The following SOX5 variants were observed in gnomAD, a reference collection of about 807,000 sequenced individuals.
The protein encoded by SOX5 is SRY-box transcription factor 5.
A neutral mutation model predicts 92.0 loss-of-function variants in SOX5; 9 were observed. The observed-to-expected ratio is 0.10, with a 90% CI of 0.06 to 0.17. SOX5 has a LOEUF of 0.17. Among genes scored for constraint, SOX5 ranks in the 10% least tolerant of loss-of-function variants. The probability of loss-of-function intolerance (pLI) is 1.00; values close to 1 mark genes in which losing one functional copy is unlikely to be tolerated. For synonymous variants in SOX5, 344 were observed against 336.3 expected, an observed-to-expected ratio of 1.02 and a Z score of -0.25; for missense variants, 642 against 944.5, an observed-to-expected ratio of 0.68 and a Z score of 4.20.
At chr12:23,878,820 A>G (rs2096956286) in intron 2 of SOX5, among the ~76,000 whole-genome samples, 1 of 152,134 alleles carries the variant, frequency 6.6e-6, no homozygotes, top group African/African-American at 2.4e-5. Flanking sequence ...GAACTCCTCA[A>G]AAATAATCTG....
At chr12:24,530,589 G>T (rs541129899) in intron 1 of SOX5, among the ~76,000 whole-genome samples, 1 of 151,782 alleles carries the variant, frequency 6.6e-6, no homozygotes, top group African/African-American at 2.4e-5. Flanking sequence ...GGAGGTGGAG[G>T]TTGCAATGAG....
chr12:23,935,822 T>G (rs1414306880), intron 1 of SOX5, among the ~76,000 whole-genome samples: 3 of 151,192 alleles, frequency 2.0e-5, no homozygotes, highest in Non-Finnish European at 3.0e-5. Context: ...GTTGAATAAA[T>G]AAAGAAATAT....
chr12:24,006,845 T>C (rs1284526572), intron 4 of SOX5, among the ~76,000 whole-genome samples: 2 of 152,004 alleles, frequency 1.3e-5, no homozygotes, highest in Non-Finnish European at 2.9e-5. Flanking sequence ...CATTAATATC[T>C]TAACTGAAGT....
At chr12:23,606,929 T>C (rs995504703) in intron 8 of SOX5, among the ~76,000 whole-genome samples, 3 of 152,152 alleles carry the variant, frequency 2.0e-5, no homozygotes, top group East Asian at 1.9e-4. Context: ...AACAGTATAA[T>C]ATCATTTGCC....
chr12:24,008,679 T>C (rs919642407), intron 4 of SOX5, among the ~76,000 whole-genome samples: 2 of 152,192 alleles, frequency 1.3e-5, no homozygotes, highest in Non-Finnish European at 2.9e-5. Context: ...TAAATATTCA[T>C]ATTTTGAATA....
intron 4 of SOX5, among the ~76,000 whole-genome samples, chr12:24,036,267 G>A (rs1159886433): frequency 2.0e-5 from 3 of 152,074 alleles, no homozygotes; most frequent in Non-Finnish European, 4.4e-5. Context: ...ACAACCCAGT[G>A]AGCCATTGCC....
Position 24,233,153 on chromosome 12 carries a change from C to T in SOX5, c.-76-19736G>A, listed in dbSNP as rs149713048. Among the ~76,000 whole-genome samples, 1,028 of 151,618 alleles carry T rather than the reference C, an allele frequency of 6.8e-3. 31 individuals carry two copies. Among genetic ancestry groups the T allele is most frequent in the East Asian group, 0.011 (56 of 5,146 alleles). ...TGATGAAAGACAAAAATGTGAAAAC[C>T]GATAGAAAATACAAGATAATAGTCA... On this transcript the variant is annotated intron_variant, in intron 3 of 4. Transcript: ENST00000446891.
chr12:24,216,675 C>T (rs1267860340), intron 3 of SOX5, among the ~76,000 whole-genome samples: 2 of 152,164 alleles, frequency 1.3e-5, no homozygotes, highest in Non-Finnish European at 2.9e-5. Flanking sequence ...GTAATCCCAG[C>T]ACTTTGGGAG....
At chr12:23,898,027 C>T (rs1413123123) in intron 1 of SOX5, among the ~76,000 whole-genome samples, 2 of 152,122 alleles carry the variant, frequency 1.3e-5, no homozygotes, top group Non-Finnish European at 2.9e-5. Context: ...AATACCATAT[C>T]ACACACTAAA....
chr12:24,403,275 C>T (rs1487821034), intron 1 of SOX5, among the ~76,000 whole-genome samples: 1 of 152,220 alleles, frequency 6.6e-6, no homozygotes, highest in Non-Finnish European at 1.5e-5. Context: ...TCTTTGGCCA[C>T]TCTCCCTAAG....
At chr12:24,528,472 C>A (rs946706900) in intron 1 of SOX5, among the ~76,000 whole-genome samples, 4 of 152,174 alleles carry the variant, frequency 2.6e-5, no homozygotes, top group African/African-American at 9.7e-5. Context: ...CAAGTTTCAA[C>A]ATGATCCAAA....
intron 2 of SOX5, among the ~76,000 whole-genome samples, chr12:23,868,219 A>C (rs943731466): frequency 6.6e-6 from 1 of 151,990 alleles, no homozygotes; most frequent in Admixed American, 6.6e-5. Context: ...TGTACATGCA[A>C]TGAACTGTTC....
At chr12:24,031,931 A>G (rs571738593) in intron 4 of SOX5, among the ~76,000 whole-genome samples, 5 of 152,088 alleles carry the variant, frequency 3.3e-5, no homozygotes, top group African/African-American at 1.2e-4. Flanking sequence ...ATGCATAGGC[A>G]TGAGATAGCC....
intron 4 of SOX5, among the ~76,000 whole-genome samples, chr12:24,063,733 A>G (rs1407430675): frequency 6.6e-6 from 1 of 152,162 alleles, no homozygotes; most frequent in Non-Finnish European, 1.5e-5. Flanking sequence ...CAACTAATAC[A>G]CATAAGGCAC....
chr12:24,108,805 T>C lies in SOX5; in HGVS notation c.-2+104538A>G, dbSNP rs572604435. ...TTTTCCTATTCAAATGATACCTTTCTCAGAACAGAACCAGTTCCATAAACC... is the reference window on the plus strand; with the variant it reads ...TTTTCCTATTCAAATGATACCTTTCCCAGAACAGAACCAGTTCCATAAACC... On this transcript the variant is annotated intron_variant, in intron 4 of 4. Transcript: ENST00000446891. Among the ~76,000 whole-genome samples the C allele has an allele frequency of 5.9e-5, 9 of 152,276 alleles. No individual in the cohort carries two copies. In the South Asian group the frequency reaches 1.9e-3, roughly 32 times the overall value.
intron 3 of SOX5, among the ~76,000 whole-genome samples, chr12:23,764,632 C>T (rs1401234845): frequency 1.3e-5 from 2 of 151,950 alleles, no homozygotes; most frequent in Admixed American, 6.6e-5. Flanking sequence ...TTCACATAAT[C>T]ACTTTGTGTA....
At chr12:24,301,162 T>C (rs564224746) in intron 2 of SOX5, among the ~76,000 whole-genome samples, 79 of 152,298 alleles carry the variant, frequency 5.2e-4, no homozygotes, top group Non-Finnish European at 9.7e-4. Context: ...TCCAACTGCA[T>C]ACATAAAGTC....
chr12:23,916,230 T>C (rs1042246568), intron 1 of SOX5, among the ~76,000 whole-genome samples: 28 of 152,246 alleles, frequency 1.8e-4, no homozygotes, highest in African/African-American at 6.3e-4. Flanking sequence ...ACCATGTTGT[T>C]CATCTAGAAA....
intron 1 of SOX5, among the ~76,000 whole-genome samples, chr12:24,516,669 G>A (rs1007316296): frequency 6.6e-6 from 1 of 152,024 alleles, no homozygotes; most frequent in Admixed American, 6.6e-5. Flanking sequence ...TTCTCAGCAG[G>A]ATTATTCTCA....
Sources: allele counts gnomAD v4.1 joint callset (sites outside exome capture counted in the v4.1 genomes callset), GRCh38; gene constraint gnomAD v4.1.1; transcripts MANE v1.5; gene names NCBI Gene and HGNC (gene_info 2026-07-23, HGNC 2026-07-21).